The following DLG2 variants were observed in gnomAD, a reference collection of about 807,000 sequenced individuals.
The protein encoded by DLG2 is disks large homolog 2.
Under a neutral mutation model 132.5 loss-of-function variants are expected in DLG2, and 45 were observed. The observed-to-expected ratio is 0.34, with a 90% CI of 0.27 to 0.44. DLG2 has a LOEUF of 0.44. Ranked by LOEUF, DLG2 falls within the 20% of genes least tolerant of loss-of-function variation. DLG2 has a pLI of 1.00. For missense variants in DLG2, 1,045 were observed against 1,196.9 expected (o/e 0.87, Z 1.87); for synonymous variants, 424 against 419.6 (o/e 1.01, Z -0.13).
chr11:85,405,173 G>A (rs1182197279), intron 3 of DLG2, among the ~76,000 whole-genome samples: 1 of 151,938 alleles, frequency 6.6e-6, no homozygotes, highest in African/African-American at 2.4e-5. Flanking sequence ...CTCAGTCCCA[G>A]CTCTGCCCCT....
chr11:85,570,910 C>T (rs755751444), intron 3 of DLG2, among the ~76,000 whole-genome samples: 11 of 151,912 alleles, frequency 7.2e-5, no homozygotes, highest in Admixed American at 1.3e-4. Flanking sequence ...GTAAATCTTT[C>T]GATTATTGTA....
intron 7 of DLG2, among the ~76,000 whole-genome samples, chr11:84,407,107 C>T (rs757606658): frequency 2.0e-5 from 3 of 152,158 alleles, no homozygotes; most frequent in Non-Finnish European, 4.4e-5. Flanking sequence ...TCAGTCCCCA[C>T]CTGGTGCCCC....
At chr11:83,463,853 C>T (rs891577458) in intron 26 of DLG2, among the ~76,000 whole-genome samples, 2 of 152,222 alleles carry the variant, frequency 1.3e-5, no homozygotes, top group African/African-American at 4.8e-5. Context: ...ATTCTGTCTT[C>T]TCTGAATTCC....
chr11:85,146,104 A>C (rs2076822107), intron 5 of DLG2, among the ~76,000 whole-genome samples: 1 of 152,080 alleles, frequency 6.6e-6, no homozygotes, highest in Non-Finnish European at 1.5e-5. Flanking sequence ...TCCTAGAGGT[A>C]CCACCTTGGT....
chr11:84,026,540 T>C (rs75277821), intron 11 of DLG2, among the ~76,000 whole-genome samples: 6,427 of 152,190 alleles, frequency 0.042, 421 homozygotes, highest in African/African-American at 0.15. Context: ...GTAAAGAAGA[T>C]AGAATTATAA....
intron 3 of DLG2, among the ~76,000 whole-genome samples, chr11:85,299,756 G>T (rs1325199394): frequency 6.6e-6 from 1 of 152,176 alleles, no homozygotes; most frequent in Non-Finnish European, 1.5e-5. Flanking sequence ...GTAGTCTAGG[G>T]TAGGGCCTAG....
intron 6 of DLG2, among the ~76,000 whole-genome samples, chr11:84,572,992 G>C (rs1221273621): frequency 6.6e-6 from 1 of 152,024 alleles, no homozygotes; most frequent in African/African-American, 2.4e-5. Context: ...TGTGTCTCCT[G>C]CCAAAAATCT....
chr11:84,158,524 A>G (rs543411673), intron 9 of DLG2, among the ~76,000 whole-genome samples: 25 of 152,192 alleles, frequency 1.6e-4, no homozygotes, highest in Admixed American at 3.3e-4. Flanking sequence ...TCCTAACTCT[A>G]TCTCTTATAA....
At chr11:83,947,322 T>C (rs2084275664) in intron 14 of DLG2, among the ~76,000 whole-genome samples, 1 of 152,198 alleles carries the variant, frequency 6.6e-6, no homozygotes, top group Admixed American at 6.5e-5. Flanking sequence ...TTAGGCCTGG[T>C]TTTTGACAGA....
At position 84,805,024 on chromosome 11, in the gene DLG2, C is replaced by A. The variant is rs187428195; in HGVS notation, c.358-270293G>T. ...CTAGGGTGGTATCAGAAGAGGCCTT[C>A]TGGAGAGTCAGAACTTTCATACCTG... On this transcript the variant is annotated intron_variant, in intron 6 of 27. Coordinates refer to ENST00000376104, the MANE Select transcript of DLG2 (RefSeq NM_001142699.3). Among the ~76,000 whole-genome samples the A allele has an allele frequency of 2.6e-5, 4 of 152,282 alleles. No homozygotes were observed. The East Asian group carries it at 7.7e-4, about 29-fold the overall frequency.
intron 3 of DLG2, among the ~76,000 whole-genome samples, chr11:85,414,219 A>C (rs1287846383): frequency 6.6e-6 from 1 of 151,990 alleles, no homozygotes; most frequent in Non-Finnish European, 1.5e-5. Flanking sequence ...TGGTGTATAA[A>C]AGAGCTACTG....
At chr11:84,271,271 C>G (rs2097718551) in intron 7 of DLG2, among the ~76,000 whole-genome samples, 2 of 152,008 alleles carry the variant, frequency 1.3e-5, no homozygotes. Flanking sequence ...TTAGAGCAGT[C>G]AAAACTAAAG....
intron 3 of DLG2, among the ~76,000 whole-genome samples, chr11:85,412,760 C>CACACACACACACATATATAT (rs756868795): frequency 1.8e-5 from 2 of 113,242 alleles, no homozygotes; most frequent in African/African-American, 7.4e-5. Context: ...CACACACACA[C>CACACACACACACATATATAT]ATATATATAT....
intron 7 of DLG2, among the ~76,000 whole-genome samples, chr11:84,515,855 A>C (rs1275470333): frequency 6.6e-6 from 1 of 151,920 alleles, no homozygotes; most frequent in African/African-American, 2.4e-5. Flanking sequence ...AAATCATAAA[A>C]GATTTTAAAA....
At chr11:85,070,003 G>A (rs1008763681) in intron 6 of DLG2, among the ~76,000 whole-genome samples, 6 of 151,886 alleles carry the variant, frequency 4.0e-5, no homozygotes, top group Non-Finnish European at 8.8e-5. Context: ...GTCCTTTGTA[G>A]GGACATGGAT....
intron 9 of DLG2, among the ~76,000 whole-genome samples, chr11:84,145,156 G>C (rs1428169610): frequency 1.3e-5 from 2 of 152,186 alleles, no homozygotes; most frequent in Non-Finnish European, 2.9e-5. Context: ...TGGGGATACA[G>C]CTTTGTCATT....
intron 6 of DLG2, among the ~76,000 whole-genome samples, chr11:85,003,430 T>C (rs2058380568): frequency 6.6e-6 from 1 of 152,206 alleles, no homozygotes; most frequent in Admixed American, 6.5e-5. Context: ...TTTATTTCGA[T>C]TGTATTTGAT....
At chr11:84,927,187 A>G (rs2047489092) in intron 6 of DLG2, among the ~76,000 whole-genome samples, 1 of 152,064 alleles carries the variant, frequency 6.6e-6, no homozygotes. Flanking sequence ...TGTTACAAAT[A>G]CAATAACAGC....
intron 17 of DLG2, among the ~76,000 whole-genome samples, chr11:83,810,624 G>T (rs2153963078): frequency 6.6e-6 from 1 of 152,162 alleles, no homozygotes; most frequent in East Asian, 1.9e-4. Flanking sequence ...TCCATTCGGA[G>T]TTATGATTCT....
Sources: allele counts gnomAD v4.1 joint callset (sites outside exome capture counted in the v4.1 genomes callset), GRCh38; gene constraint gnomAD v4.1.1; transcripts MANE v1.5; gene names NCBI Gene and HGNC (gene_info 2026-07-23, HGNC 2026-07-21).